Variants in RSPO3 observed in about 807,000 individuals in gnomAD.
The protein encoded by RSPO3 is R-spondin 3, also known as R-spondin-3.
In RSPO3, 17 loss-of-function variants were observed where a neutral mutation model predicts 36.5. The ratio of observed to expected loss-of-function variants is 0.47; its 90% CI spans 0.32 to 0.70. RSPO3 has a LOEUF of 0.70. RSPO3 is among the 30% of genes least tolerant of loss of function. The pLI is 0.04. For missense variants in RSPO3, 294 were observed against 322.5 expected, an observed-to-expected ratio of 0.91 and a Z score of 0.68; for synonymous variants, 108 against 107.0, an observed-to-expected ratio of 1.01 and a Z score of -0.06.
At chr6:127,184,826 C>T (rs1005319934) in intron 4 of RSPO3, among the ~76,000 whole-genome samples, 2 of 151,786 alleles carry the variant, frequency 1.3e-5, no homozygotes, top group East Asian at 1.9e-4. Context: ...ACTGGAAAAC[C>T]GGCTGTCTTG....
intron 4 of RSPO3, among the ~76,000 whole-genome samples, chr6:127,174,466 G>C (rs1775006995): frequency 6.6e-6 from 1 of 151,888 alleles, no homozygotes. Flanking sequence ...GGACTAAGCA[G>C]TATGAAGAAA....
intron 4 of RSPO3, among the ~76,000 whole-genome samples, chr6:127,189,143 T>A (rs984497259): frequency 3.3e-5 from 5 of 152,136 alleles, no homozygotes; most frequent in African/African-American, 1.2e-4. Flanking sequence ...TTATTCTTAC[T>A]ATTTTTAAAA....
At chr6:127,121,569 G>A (rs1182804794) in intron 1 of RSPO3, among the ~76,000 whole-genome samples, 4 of 152,162 alleles carry the variant, frequency 2.6e-5, no homozygotes, top group East Asian at 3.9e-4. Flanking sequence ...AATCCTGGTA[G>A]AGGGGCGACC....
At chr6:127,144,046 A>G (rs1209457720) in intron 1 of RSPO3, among the ~76,000 whole-genome samples, 2 of 152,202 alleles carry the variant, frequency 1.3e-5, no homozygotes, top group African/African-American at 4.8e-5. Flanking sequence ...CTTAACAGAT[A>G]GTGAAATTGA....
At chr6:127,158,630 C>T (rs1233001021) in intron 4 of RSPO3, among the ~76,000 whole-genome samples, 1 of 152,104 alleles carries the variant, frequency 6.6e-6, no homozygotes, top group Non-Finnish European at 1.5e-5. Flanking sequence ...GTGGATTCAT[C>T]TAGTTGGGAG....
intron 4 of RSPO3, among the ~76,000 whole-genome samples, chr6:127,161,434 G>A (rs1473015469): frequency 6.6e-6 from 1 of 151,940 alleles, no homozygotes; most frequent in Non-Finnish European, 1.5e-5. Flanking sequence ...TCATTTTTTA[G>A]AACTCAGCCA....
chr6:127,192,373 A>T (rs552721864), intron 4 of RSPO3, among the ~76,000 whole-genome samples: 20 of 152,190 alleles, frequency 1.3e-4, no homozygotes, highest in Non-Finnish European at 2.8e-4. Flanking sequence ...CTCTACCAGC[A>T]TCTCATTTAA....
intron 1 of RSPO3, among the ~76,000 whole-genome samples, chr6:127,121,662 CCT>C (rs1773848948): frequency 1.3e-5 from 2 of 152,058 alleles, no homozygotes; most frequent in South Asian, 4.1e-4. Flanking sequence ...GTAGAGAGGT[CCT>C]CTTTAAATGC....
At chr6:127,182,377 CATATGGGCT>C (rs1313990700) in intron 4 of RSPO3, among the ~76,000 whole-genome samples, 1 of 151,906 alleles carries the variant, frequency 6.6e-6, no homozygotes, top group African/African-American at 2.4e-5. Context: ...AAAAACCAAA[CATATGGGCT>C]ATTTCAAGCT....
intron 4 of RSPO3, among the ~76,000 whole-genome samples, chr6:127,156,645 T>C (rs1475132329): frequency 6.6e-6 from 1 of 152,178 alleles, no homozygotes; most frequent in Non-Finnish European, 1.5e-5. Context: ...TTTATTATAT[T>C]CTTACTTTAT....
chr6:127,133,540 A>G (rs576347269), intron 1 of RSPO3, among the ~76,000 whole-genome samples: 1 of 152,150 alleles, frequency 6.6e-6, no homozygotes, highest in African/African-American at 2.4e-5. Context: ...AACTGATCTT[A>G]AAGTCCACTC....
intron 4 of RSPO3, among the ~76,000 whole-genome samples, chr6:127,180,547 G>T (rs1775164101): frequency 7.0e-6 from 1 of 142,732 alleles, no homozygotes; most frequent in South Asian, 2.2e-4. Context: ...CATTCTAGAG[G>T]TTCTAGAGAT....
intron 4 of RSPO3, among the ~76,000 whole-genome samples, chr6:127,167,918 T>C (rs1368961582): frequency 1.3e-5 from 2 of 152,032 alleles, no homozygotes; most frequent in African/African-American, 4.8e-5. Flanking sequence ...GCTTCATCCA[T>C]GTCCCTACAA....
intron 3 of RSPO3, among the ~76,000 whole-genome samples, chr6:127,151,021 A>G (rs1465098428): frequency 6.6e-6 from 1 of 151,814 alleles, no homozygotes; most frequent in Non-Finnish European, 1.5e-5. Context: ...TCTAATCTCA[A>G]CTAATGACCA....
chr6:127,156,709 C>T (rs1301057500), intron 4 of RSPO3, among the ~76,000 whole-genome samples: 1 of 152,088 alleles, frequency 6.6e-6, no homozygotes, highest in Non-Finnish European at 1.5e-5. Flanking sequence ...GGTACTGTCT[C>T]TCTATTGTGA....
At chr6:127,119,400 C>G (rs1011085471) in intron 1 of RSPO3, 111 bp downstream of exon 1, 2 of 773,964 alleles carry the variant, frequency 2.6e-6, no homozygotes, top group African/African-American at 3.5e-5. Flanking sequence ...CGCCCTGCGC[C>G]TCGCAGAGGA....
chr6:127,131,972 G>A (rs1050583100), intron 1 of RSPO3, among the ~76,000 whole-genome samples: 16 of 152,100 alleles, frequency 1.1e-4, no homozygotes, highest in African/African-American at 3.4e-4. Flanking sequence ...TAAAGTGGCT[G>A]TTCAAACACT....
chr6:127,135,486 A>C (rs1005057151), intron 1 of RSPO3, among the ~76,000 whole-genome samples: 1 of 151,286 alleles, frequency 6.6e-6, no homozygotes, highest in Non-Finnish European at 1.5e-5. Flanking sequence ...TGGTAATGGT[A>C]GCAGTAGTAG....
intron 4 of RSPO3, among the ~76,000 whole-genome samples, chr6:127,170,719 C>A (rs1482626882): frequency 6.6e-6 from 1 of 151,670 alleles, no homozygotes; most frequent in Non-Finnish European, 1.5e-5. Context: ...AAAATTCTAA[C>A]TCACGCCACA....
Sources: allele counts gnomAD v4.1 joint callset (sites outside exome capture counted in the v4.1 genomes callset), GRCh38; gene constraint gnomAD v4.1.1; transcripts MANE v1.5; gene names NCBI Gene and HGNC (gene_info 2026-07-23, HGNC 2026-07-21).